CHD6: variants seen among roughly 807,000 people sequenced by gnomAD.
CHD6 encodes ATP-dependent chromatin remodeler CHD6.
A neutral mutation model predicts 276.9 loss-of-function variants in CHD6; 50 were observed. That is an observed-to-expected ratio of 0.18 (90% CI 0.14 to 0.23). CHD6 has a LOEUF of 0.23. Ranked by LOEUF, CHD6 falls within the 10% of genes least tolerant of loss-of-function variation. The pLI is 1.00. For missense variants in CHD6, 2,564 were observed against 3,365.8 expected, an observed-to-expected ratio of 0.76 and a Z score of 5.89; for synonymous variants, 1,173 against 1,229.3, an observed-to-expected ratio of 0.95 and a Z score of 0.96.
chr20:41,529,863 T>C (rs188135383), intron 3 of CHD6, among the ~76,000 whole-genome samples: 291 of 152,228 alleles, frequency 1.9e-3, no homozygotes, highest in African/African-American at 6.6e-3. Context: ...CAGAAGATTC[T>C]AAGCGGTTAT....
intron 34 of CHD6, chr20:41,414,765 A>T: frequency 1.0e-6 from 1 of 1,001,846 alleles, no homozygotes; most frequent in South Asian, 4.1e-5. Flanking sequence ...CAGTAAGTCA[A>T]GCAGAAGAGC....
At position 41,497,341 on chromosome 20, in the gene CHD6, CAAGAAAAGCAGCAGTCAAA is replaced by C. The variant is rs750303067; in HGVS notation, c.1092+24_1092+42del. ...AACGTAAACACAGTATTTACTGCTGCAAGAAAAGCAGCAGTCAAATGAGTCAGTAAATATTGCTTCACCT... is the reference window on the plus strand; with the variant it reads ...AACGTAAACACAGTATTTACTGCTGCTGAGTCAGTAAATATTGCTTCACCT... On this transcript the variant is annotated intron_variant, in intron 8 of 36. Coordinates refer to ENST00000373233, the MANE Select transcript of CHD6 (RefSeq NM_032221.5). 9 of 1,230,914 alleles carry C rather than the reference CAAGAAAAGCAGCAGTCAAA, an allele frequency of 7.3e-6. No individual in the cohort carries two copies. In the African/African-American group the frequency reaches 1.3e-4, roughly 18 times the overall value. 76.2% of individuals were successfully genotyped at this position (1,230,914 alleles called of 1,614,324 possible).
At chr20:41,453,164 G>A (rs1196570233) in intron 20 of CHD6, among the ~76,000 whole-genome samples, 2 of 152,080 alleles carry the variant, frequency 1.3e-5, no homozygotes, top group African/African-American at 2.4e-5. Context: ...GGCCCCCAGT[G>A]CTGCTTGTCA....
intron 26 of CHD6, among the ~76,000 whole-genome samples, chr20:41,438,153 G>A (rs933906038): frequency 3.9e-5 from 6 of 152,206 alleles, no homozygotes; most frequent in Non-Finnish European, 8.8e-5. Context: ...TGGCTTGGAA[G>A]GGAGCTCTGC....
At chr20:41,558,863 C>T (rs1373485696) in intron 1 of CHD6, among the ~76,000 whole-genome samples, 1 of 152,132 alleles carries the variant, frequency 6.6e-6, no homozygotes, top group South Asian at 2.1e-4. Flanking sequence ...CCCACCACCA[C>T]TCTGTTACTC....
intron 16 of CHD6, among the ~76,000 whole-genome samples, chr20:41,481,866 C>G (rs2043303761): frequency 6.6e-6 from 1 of 151,530 alleles, no homozygotes; most frequent in Admixed American, 6.6e-5. Flanking sequence ...ATAAGAGTTA[C>G]AAAGTGCAAT....
At chr20:41,590,915 G>A (rs1363411518) in intron 1 of CHD6, among the ~76,000 whole-genome samples, 5 of 151,484 alleles carry the variant, frequency 3.3e-5, no homozygotes, top group African/African-American at 7.3e-5. Flanking sequence ...GCACACGTAT[G>A]TTTACTGCAG....
intron 2 of CHD6, among the ~76,000 whole-genome samples, chr20:41,544,893 C>G (rs1390622498): frequency 6.6e-6 from 1 of 151,590 alleles, no homozygotes; most frequent in African/African-American, 2.4e-5. Context: ...TTATAAATAC[C>G]ATAAATAAAT....
chr20:41,411,994 C>A (rs938996671), intron 36 of CHD6, 150 bp downstream of exon 36: 2 of 1,125,134 alleles, frequency 1.8e-6, no homozygotes, highest in African/African-American at 3.2e-5. Context: ...TTTCTTGCTG[C>A]TAATCAACTT....
intron 1 of CHD6, among the ~76,000 whole-genome samples, chr20:41,604,085 C>A (rs576966372): frequency 1.2e-3 from 176 of 152,240 alleles, no homozygotes; most frequent in Admixed American, 2.1e-3. Context: ...TCCTCATGTT[C>A]CTAGGCCCCT....
intron 1 of CHD6, among the ~76,000 whole-genome samples, chr20:41,585,331 G>A (rs549292234): frequency 2.9e-4 from 44 of 151,916 alleles, no homozygotes; most frequent in Middle Eastern, 6.8e-3. Flanking sequence ...TGGAGAAACC[G>A]TCTTTACTAA....
chr20:41,605,023 T>C (rs779691607), intron 1 of CHD6, among the ~76,000 whole-genome samples: 6 of 152,192 alleles, frequency 3.9e-5, no homozygotes, highest in Non-Finnish European at 5.9e-5. Flanking sequence ...AGTGATATAA[T>C]TACACTGTGA....
intron 17 of CHD6, among the ~76,000 whole-genome samples, chr20:41,460,606 C>T (rs1020602411): frequency 2.6e-5 from 4 of 152,338 alleles, no homozygotes; most frequent in South Asian, 2.1e-4. Context: ...GCAGCTTCCA[C>T]GTGGTGTTGA....
intron 3 of CHD6, among the ~76,000 whole-genome samples, chr20:41,532,423 C>A (rs959579339): frequency 6.6e-6 from 1 of 152,214 alleles, no homozygotes; most frequent in Non-Finnish European, 1.5e-5. Flanking sequence ...ACCACTGATT[C>A]CCGTGACTGT....
chr20:41,404,389 G>A lies in CHD6; in HGVS notation c.*204C>T, dbSNP rs2046609819. 2 of 1,272,706 alleles carry A rather than the reference G, an allele frequency of 1.6e-6. No individual in the cohort carries two copies. Among genetic ancestry groups the A allele is most frequent in the Non-Finnish European group, 2.0e-6 (2 of 1,011,406 alleles). The allele number at this position is 1,272,706 out of a possible 1,614,324, so 78.8% of individuals were successfully genotyped here. On this transcript the variant is annotated 3_prime_UTR_variant, in exon 37 of 37. Coordinates refer to ENST00000373233, the MANE Select transcript of CHD6 (RefSeq NM_032221.5). ...CAGAATGAGAATTCTGTGCCTCCTA[G>A]ACTAGGTAGACAACACTTATCTAAT...
At position 41,503,011 on chromosome 20, in the gene CHD6, A is replaced by G. The variant is rs190619445; in HGVS notation, c.853-3654T>C. Among the ~76,000 whole-genome samples the G allele has an allele frequency of 6.6e-5, 10 of 152,358 alleles. No homozygotes were observed. The East Asian group carries it at 1.9e-3, about 29-fold the overall frequency. Reference sequence around the variant, plus strand: ...CAGAGTGAGACTCCATCTCAAAAACAAAACAAAACAAAGCAAAGCAAAACA... The same window carrying G: ...CAGAGTGAGACTCCATCTCAAAAACGAAACAAAACAAAGCAAAGCAAAACA... On this transcript the variant is annotated intron_variant, in intron 5 of 36. Transcript: ENST00000373233.
At chr20:41,431,878 T>A (rs62208495) in intron 27 of CHD6, among the ~76,000 whole-genome samples, 1 of 147,936 alleles carries the variant, frequency 6.8e-6, no homozygotes, top group Non-Finnish European at 1.5e-5. Flanking sequence ...AAAAAAACCT[T>A]CCGGGCGCGG....
chr20:41,579,677 C>T (rs1342083495), intron 1 of CHD6, among the ~76,000 whole-genome samples: 1 of 152,078 alleles, frequency 6.6e-6, no homozygotes, highest in Non-Finnish European at 1.5e-5. Flanking sequence ...TTCCACTAAG[C>T]AATGAAAATC....
At chr20:41,437,495 T>C (rs1336197941) in intron 26 of CHD6, among the ~76,000 whole-genome samples, 161 bp from the exon 27 acceptor site, 1 of 152,214 alleles carries the variant, frequency 6.6e-6, no homozygotes, top group Admixed American at 6.5e-5. Context: ...TTACAGTATA[T>C]TGTTATAATT....
Sources: allele counts gnomAD v4.1 joint callset (sites outside exome capture counted in the v4.1 genomes callset), GRCh38; gene constraint gnomAD v4.1.1; transcripts MANE v1.5; gene names NCBI Gene and HGNC (gene_info 2026-07-23, HGNC 2026-07-21).